The following CREBBP variants were observed in gnomAD, a reference collection of about 807,000 sequenced individuals.
CREBBP encodes the protein CREB binding lysine acetyltransferase.
CREBBP carries 19 observed loss-of-function variants against 265.0 expected under a neutral mutation model. The ratio of observed to expected loss-of-function variants is 0.07; its 90% confidence interval spans 0.05 to 0.11. CREBBP has a LOEUF of 0.11. Among genes scored for constraint, CREBBP ranks in the 10% least tolerant of loss-of-function variants. The probability of loss-of-function intolerance (pLI) is 1.00; values close to 1 mark genes in which losing one functional copy is unlikely to be tolerated. For missense variants in CREBBP, 2,525 were observed against 3,219.0 expected, an observed-to-expected ratio of 0.78 and a Z score of 5.22; for synonymous variants, 1,457 against 1,223.7, an observed-to-expected ratio of 1.19 and a Z score of -3.98.
At chr16:3,784,863 G>A (rs940408604) in intron 5 of CREBBP, among the ~76,000 whole-genome samples, 1 of 152,170 alleles carries the variant, frequency 6.6e-6, no homozygotes, top group Non-Finnish European at 1.5e-5. Context: ...GCCTCCCACG[G>A]AAGCTGCTGA....
chr16:3,811,488 TTTTA>T lies in CREBBP; in HGVS notation c.799-713_799-710del, dbSNP rs570676173. 1.5e-3 allele frequency among the ~76,000 whole-genome samples: 224 copies of T among 152,164 alleles called. 4 individuals carry two copies. The South Asian group carries it at 0.037, about 25-fold the overall frequency. The stretch of plus-strand genomic sequence containing the variant: ...TACATATATTTTCTTTTCCTTATGG[TTTTA>T]TTTATTTATTTTAATAGAGACAGCA... On this transcript the variant is annotated intron_variant, in intron 2 of 30. Transcript: ENST00000262367.
rs759627093 is a variant in CREBBP, at chr16:3,780,837, G to A, written c.1718C>T (p.Thr573Ile). The change falls in exon 8 of 31, where the codon ACC becomes ATC. Residue 573 changes from threonine to isoleucine, a missense_variant. By Grantham distance (89) the Thr-to-Ile change is moderately conservative. Around this residue, in one of 19 missense-constraint regions of CREBBP, gnomAD observed 144 missense variants for 134.0 expected, o/e 1.07. Coordinates refer to ENST00000262367, the MANE Select transcript of CREBBP (RefSeq NM_004380.3). ...AGCTGCTGTTGGTATAGTGCTGAGG[G>A]TTCCAATGTTACCAGAGTTGGAGCC... is the stretch of plus-strand genomic sequence containing the variant. ...NDGSNSGNIG[T>I]LSTIPTAAPP... 1 of 1,613,802 alleles carries A rather than the reference G, an allele frequency of 6.2e-7. No individual in the cohort carries two copies. Among genetic ancestry groups the A allele is most frequent in the Non-Finnish European group, 8.5e-7 (1 of 1,180,020 alleles).
At chr16:3,804,444 C>A (rs1224425768) in intron 3 of CREBBP, among the ~76,000 whole-genome samples, 2 of 152,118 alleles carry the variant, frequency 1.3e-5, no homozygotes, top group African/African-American at 2.4e-5. Flanking sequence ...ACCTCAGGGC[C>A]ATCTCAAAGG....
Position 3,745,002 on chromosome 16 carries a change from T to G in CREBBP, c.3915-41A>C. On this transcript the variant is annotated intron_variant, in intron 22 of 30. Coordinates refer to ENST00000262367, the MANE Select transcript of CREBBP (RefSeq NM_004380.3). The stretch of plus-strand genomic sequence containing the variant: ...GGTATGATGAGACTGTATATAATGA[T>G]GTAAATTGTCAAACCAACAAAATGC... 3 of 1,442,194 alleles carry G rather than the reference T, an allele frequency of 2.1e-6. No homozygotes were observed. In the South Asian group the frequency reaches 3.4e-5, roughly 17 times the overall value. The allele number at this position is 1,442,194 out of a possible 1,614,324, so 89.3% of individuals were successfully genotyped here. A position where few individuals can be genotyped will look rare whatever the true frequency, so the allele number is the denominator to read the frequency against.
chr16:3,856,064 A>T (rs1208020361), intron 1 of CREBBP, among the ~76,000 whole-genome samples: 2 of 152,258 alleles, frequency 1.3e-5, no homozygotes, highest in African/African-American at 4.8e-5. Flanking sequence ...TAATATATAC[A>T]ATCACATGTC....
intron 19 of CREBBP, among the ~76,000 whole-genome samples, chr16:3,756,867 C>T (rs922680341): frequency 6.6e-6 from 1 of 152,118 alleles, no homozygotes; most frequent in African/African-American, 2.4e-5. Flanking sequence ...TCTAGGGCTG[C>T]GTTTTAGAAC....
At chr16:3,831,713 G>C (rs2054345990) in intron 2 of CREBBP, among the ~76,000 whole-genome samples, 1 of 152,086 alleles carries the variant, frequency 6.6e-6, no homozygotes, top group African/African-American at 2.4e-5. Flanking sequence ...AAAGAGTACA[G>C]AGGCCGGGCA....
chr16:3,773,402 T>C (rs1468969558), intron 13 of CREBBP, among the ~76,000 whole-genome samples: 4 of 152,198 alleles, frequency 2.6e-5, no homozygotes, highest in Admixed American at 6.5e-5. Context: ...TCACTCGCTT[T>C]TTAAAATCCT....
chr16:3,762,182 C>G (rs191725811), intron 16 of CREBBP, among the ~76,000 whole-genome samples: 4 of 152,110 alleles, frequency 2.6e-5, no homozygotes, highest in Admixed American at 2.6e-4. Context: ...GGCCTCAGGA[C>G]GCACAAAGCC....
At chr16:3,752,359 C>T (rs987138471) in intron 19 of CREBBP, among the ~76,000 whole-genome samples, 2 of 151,860 alleles carry the variant, frequency 1.3e-5, no homozygotes, top group Non-Finnish European at 2.9e-5. Flanking sequence ...AAAATTTATG[C>T]TTGACAGCAA....
At chr16:3,849,430 T>TGTGTGTGTGTGTG (rs2054752443) in intron 2 of CREBBP, among the ~76,000 whole-genome samples, 7 of 8,574 alleles carry the variant, frequency 8.2e-4, no homozygotes, top group Admixed American at 4.9e-3. Context: ...TGTGTGTGTG[T>TGTGTGTGTGTGTG]GTGTGTGTGT....
At chr16:3,739,554 C>T (rs757871286) in intron 25 of CREBBP, 24 bp downstream of exon 25, 3 of 1,613,992 alleles carry the variant, frequency 1.9e-6, no homozygotes, top group African/African-American at 2.7e-5. Flanking sequence ...GAATGACACG[C>T]CCTGGAAGGA....
rs2053188287 is a variant in CREBBP, at chr16:3,778,069, T to TAAGGCTGGC, written c.2046_2054dup (p.Leu685_Ala687dup). 1.2e-6 allele frequency: 2 copies of TAAGGCTGGC among 1,614,252 alleles called. No homozygotes were observed. The highest frequency in any genetic ancestry group is 1.7e-6 in the Non-Finnish European group (2 of 1,180,052). The stretch of plus-strand genomic sequence containing the variant: ...CAGGGGGCTGAGCCCCCGGGGCTGG[T>TAAGGCTGGC]AAGGCTGGCTGGTTCCCCAAGATGC... On this transcript the variant is annotated inframe_insertion, in exon 10 of 31. Transcript: ENST00000262367.
chr16:3,860,083 C>A (rs918890410), intron 1 of CREBBP, among the ~76,000 whole-genome samples: 5 of 152,056 alleles, frequency 3.3e-5, no homozygotes, highest in African/African-American at 4.8e-5. Flanking sequence ...TGCCTGTCAG[C>A]TGGCGTCTGC....
At chr16:3,748,284 A>G (rs1168225822) in intron 21 of CREBBP, among the ~76,000 whole-genome samples, 1 of 146,712 alleles carries the variant, frequency 6.8e-6, no homozygotes, top group African/African-American at 2.5e-5. Context: ...CTCAGGGGGA[A>G]AAAAAAAAAG....
Position 3,804,225 on chromosome 16 carries a change from A to G in CREBBP, c.975+6378T>C, listed in dbSNP as rs954284924. ...CAGGAGTCGAATGACCAAGTTCAAG[A>G]GAATTACCAATTTACTAAAAACTTA... On this transcript the variant is annotated intron_variant, in intron 3 of 30. Transcript: ENST00000262367. Among the ~76,000 whole-genome samples, 2 of 152,200 alleles carry G rather than the reference A, an allele frequency of 1.3e-5. 1 individual carries two copies. Among genetic ancestry groups the G allele is most frequent in the African/African-American group, 4.8e-5 (2 of 41,450 alleles).
At chr16:3,811,261 A>C (rs1011234626) in intron 2 of CREBBP, among the ~76,000 whole-genome samples, 2 of 152,172 alleles carry the variant, frequency 1.3e-5, no homozygotes, top group African/African-American at 4.8e-5. Context: ...CTCCTTTAAA[A>C]TACACCTGAC....
rs771016864 is a variant in CREBBP, at chr16:3,770,852, C to A, written c.2598G>T (p.Met866Ile). ...TPPPASTAAG[M>I]PSLQHTTPPG... ...GTGGTGTCGTGTGCTGGAGAGATGG[C>A]ATGCCAGCAGCCGTGGAAGCAGGAG... The change falls in exon 14 of 31, where the codon ATG becomes ATT. Residue 866 changes from methionine (M) to isoleucine (I), a missense_variant. By Grantham distance (10) the Met-to-Ile change is conservative. Around this residue, in one of 19 missense-constraint regions of CREBBP, gnomAD observed 548 missense variants for 533.0 expected, o/e 1.03. Coordinates refer to ENST00000262367, the MANE Select transcript of CREBBP (RefSeq NM_004380.3). 37 of 1,613,882 alleles carry A rather than the reference C, an allele frequency of 2.3e-5. No individual in the cohort carries two copies. Among genetic ancestry groups the A allele is most frequent in the Middle Eastern group, 1.6e-4 (1 of 6,062 alleles).
At chr16:3,855,286 C>CA (rs1432414725) in intron 1 of CREBBP, among the ~76,000 whole-genome samples, 1 of 152,190 alleles carries the variant, frequency 6.6e-6, no homozygotes, top group African/African-American at 2.4e-5. Context: ...GTTTATTAGA[C>CA]AGAGTCTTGC....
Sources: gnomAD v4.1 joint callset for allele counts (sites outside exome capture counted in the v4.1 genomes callset) on GRCh38, gnomAD v4.1.1 for gene constraint, gnomAD v4.1.1 regional missense constraint, MANE v1.5 for transcripts, NCBI Gene and HGNC (gene_info 2026-07-23, HGNC 2026-07-21) for gene names.